TPO: variants seen among roughly 807,000 people sequenced by gnomAD.
TPO encodes thyroid peroxidase.
A neutral mutation model predicts 96.9 loss-of-function variants in TPO; 78 were observed. That is an observed-to-expected ratio of 0.81 (90% CI 0.67 to 0.97). TPO has a LOEUF of 0.97. TPO is among the 50% of genes least tolerant of loss of function. The probability of loss-of-function intolerance (pLI) is 0.00; values close to 1 mark genes in which losing one functional copy is unlikely to be tolerated. For synonymous variants in TPO, 547 were observed against 538.0 expected, an observed-to-expected ratio of 1.02 and a Z score of -0.23; for missense variants, 1,252 against 1,274.8, an observed-to-expected ratio of 0.98 and a Z score of 0.27.
intron 3 of TPO, among the ~76,000 whole-genome samples, chr2:1,433,113 A>G (rs1665191683): frequency 6.6e-6 from 1 of 152,128 alleles, no homozygotes; most frequent in Non-Finnish European, 1.5e-5. Flanking sequence ...AACAAATCAT[A>G]TCTTGGTTTG....
intron 7 of TPO, among the ~76,000 whole-genome samples, chr2:1,464,129 T>A (rs1668688932): frequency 6.6e-6 from 1 of 152,260 alleles, no homozygotes; most frequent in African/African-American, 2.4e-5. Flanking sequence ...GTGTCACTTA[T>A]GAGTGAGAAC....
Position 1,422,309 on chromosome 2 carries a change from C to CCTGGACCGACCTCGTGCAGACGCCGCG in TPO, c.95-730_95-729insCGACCTCGTGCAGACGCCGCGCTGGAC, listed in dbSNP as rs1558264067. 2.5e-4 allele frequency among the ~76,000 whole-genome samples: 26 copies of CCTGGACCGACCTCGTGCAGACGCCGCG among 105,776 alleles called. 1 individual carries two copies. The highest frequency in any genetic ancestry group is 4.6e-4 in the Admixed American group (5 of 10,774). 69.4% of individuals were successfully genotyped at this position (105,776 alleles called of 152,430 possible). A position where few individuals can be genotyped will look rare whatever the true frequency, so the allele number is the denominator to read the frequency against. ...CCTTGAAGACCCCGCAGGCGCCTCT[C>CCTGGACCGACCTCGTGCAGACGCCGCG]CTGGACAGACCTCGTGCAGGCGCCT... is the stretch of plus-strand genomic sequence containing the variant. On this transcript the variant is annotated intron_variant, in intron 2 of 16. Transcript: ENST00000329066.
At chr2:1,410,644 A>G (rs1363697098), upstream of TPO, among the ~76,000 whole-genome samples, 1 of 152,136 alleles carries the variant, frequency 6.6e-6, no homozygotes, top group African/African-American at 2.4e-5. Context: ...TTGCCAAAAA[A>G]TGGAAGCGTG....
At chr2:1,535,770 A>G (rs1679503646) in intron 15 of TPO, among the ~76,000 whole-genome samples, 1 of 56,652 alleles carries the variant, frequency 1.8e-5, no homozygotes, top group Non-Finnish European at 3.4e-5. Context: ...CAACCTCCCG[A>G]AATCCCCCCA....
chr2:1,522,176 A>G (rs1573526446), intron 15 of TPO, among the ~76,000 whole-genome samples: 1 of 98,958 alleles, frequency 1.0e-5, no homozygotes, highest in East Asian at 3.2e-4. Flanking sequence ...CCCTGCTACC[A>G]TGCCCTGGCA....
intron 4 of TPO, among the ~76,000 whole-genome samples, chr2:1,435,145 G>C (rs993590286): frequency 1.3e-5 from 2 of 152,166 alleles, no homozygotes. Flanking sequence ...ATGTTAGCCA[G>C]GATGGTCTCG....
chr2:1,485,487 T>C (rs1671072547), intron 9 of TPO, among the ~76,000 whole-genome samples: 1 of 151,992 alleles, frequency 6.6e-6, no homozygotes, highest in African/African-American at 2.4e-5. Flanking sequence ...CCACACTGTC[T>C]TCCACAATGG....
At chr2:1,540,821 T>G in intron 16 of TPO, 98 bp downstream of exon 16, 1 of 1,601,324 alleles carries the variant, frequency 6.2e-7, no homozygotes, top group South Asian at 1.1e-5. Context: ...TGCATATTTC[T>G]GTTTACTCCG....
At chr2:1,475,463 A>G (rs371513907) in intron 7 of TPO, among the ~76,000 whole-genome samples, 90 of 149,802 alleles carry the variant, frequency 6.0e-4, no homozygotes, top group African/African-American at 1.9e-3. Flanking sequence ...TCGCTCTGTC[A>G]CCCAGGCAGG....
intron 5 of TPO, among the ~76,000 whole-genome samples, chr2:1,453,282 T>C (rs1667476439): frequency 6.6e-6 from 1 of 152,238 alleles, no homozygotes; most frequent in African/African-American, 2.4e-5. Context: ...TTCATGGTGC[T>C]TTGATTAAAG....
Position 1,519,993 on chromosome 2 carries a change from A to G in TPO, c.2618+3011A>G, listed in dbSNP as rs28913037. ...TCTAAAAATACGCTACCAAGCACCA[A>G]TTTAGTTTGCAAAATGCCACTTAGC... On this transcript the variant is annotated intron_variant, in intron 15 of 16. Coordinates refer to ENST00000329066, the MANE Select transcript of TPO (RefSeq NM_001206744.2). Among the ~76,000 whole-genome samples the G allele has an allele frequency of 5.3e-3, 800 of 152,270 alleles. 9 individuals carry two copies. The highest frequency in any genetic ancestry group is 0.018 in the African/African-American group (767 of 41,554).
rs1350450732 is a variant in TPO, at chr2:1,425,346, G to A, written c.179+2217G>A. 3.6e-5 allele frequency among the ~76,000 whole-genome samples: 5 copies of A among 139,752 alleles called. No homozygotes were observed. In the East Asian group the frequency reaches 6.1e-4, roughly 17 times the overall value. The allele number at this position is 139,752 out of a possible 152,430, so 91.7% of individuals were successfully genotyped here. A position where few individuals can be genotyped will look rare whatever the true frequency, so the allele number is the denominator to read the frequency against. ...TTCATATTCTCAGAAGTCCATGCCC[G>A]TTCTGTGCAGTCATTTTTCTAGATG... On this transcript the variant is annotated intron_variant, in intron 3 of 16. Coordinates refer to ENST00000329066, the MANE Select transcript of TPO (RefSeq NM_001206744.2).
chr2:1,454,006 C>G (rs1667559899), intron 6 of TPO, among the ~76,000 whole-genome samples, 183 bp downstream of exon 6: 1 of 152,208 alleles, frequency 6.6e-6, no homozygotes, highest in African/African-American at 2.4e-5. Flanking sequence ...AGCCAAGGCT[C>G]AGGGAGATTG....
chr2:1,472,827 CAAAAAAAAAAAAA>C (rs34064729), intron 7 of TPO, among the ~76,000 whole-genome samples: 16 of 48,330 alleles, frequency 3.3e-4, no homozygotes, highest in Non-Finnish European at 2.4e-4. Context: ...TGTTTGGCGG[CAAAAAAAAAAAAA>C]AAAAAAAAAA....
At position 1,506,859 on chromosome 2, in the gene TPO, C is replaced by G. The variant is rs1462931544; in HGVS notation, c.2518+2780C>G. Among the ~76,000 whole-genome samples the G allele has an allele frequency of 2.6e-5, 4 of 152,158 alleles. No homozygotes were observed. In the South Asian group the frequency reaches 6.2e-4, roughly 24 times the overall value. On this transcript the variant is annotated intron_variant, in intron 14 of 16. Transcript: ENST00000329066. ...TGCCTGTTCAGTCTGATAGTAGTTT[C>G]TTTTGCTGTGCAGAAGCTCTTTAGT...
intron 1 of TPO, among the ~76,000 whole-genome samples, chr2:1,399,552 G>A (rs1232520936): frequency 2.6e-5 from 4 of 152,196 alleles, no homozygotes; most frequent in South Asian, 4.1e-4. Context: ...ATTTAAAACC[G>A]ATGAGTTGTT....
chr2:1,506,600 A>C (rs575163222), intron 14 of TPO, among the ~76,000 whole-genome samples: 1 of 152,144 alleles, frequency 6.6e-6, no homozygotes, highest in African/African-American at 2.4e-5. Flanking sequence ...ATGGTATCTC[A>C]TTGTGGTTTT....
intron 4 of TPO, among the ~76,000 whole-genome samples, chr2:1,435,135 A>T (rs1264087960): frequency 6.6e-6 from 1 of 152,004 alleles, no homozygotes; most frequent in East Asian, 1.9e-4. Context: ...GGGTTTCACC[A>T]TGTTAGCCAG....
At chr2:1,461,607 C>T (rs1668440060) in intron 7 of TPO, among the ~76,000 whole-genome samples, 1 of 152,198 alleles carries the variant, frequency 6.6e-6, no homozygotes, top group African/African-American at 2.4e-5. Context: ...AATATACCCA[C>T]AGGCATGCAC....
Sources: allele counts gnomAD v4.1 joint callset (sites outside exome capture counted in the v4.1 genomes callset), GRCh38; gene constraint gnomAD v4.1.1; transcripts MANE v1.5; gene names NCBI Gene and HGNC (gene_info 2026-07-23, HGNC 2026-07-21).